NSD3: variants seen among roughly 807,000 people sequenced by gnomAD.
The protein encoded by NSD3 is nuclear receptor binding SET domain protein 3.
Under a neutral mutation model 160.8 loss-of-function variants are expected in NSD3, and 24 were observed. That is an observed-to-expected ratio of 0.15 (90% confidence interval 0.11 to 0.21). The LOEUF (loss-of-function observed/expected upper bound fraction) is 0.21. Among genes scored for constraint, NSD3 ranks in the 10% least tolerant of loss-of-function variants. The probability of loss-of-function intolerance (pLI) is 1.00; values close to 1 mark genes in which losing one functional copy is unlikely to be tolerated. For missense variants in NSD3, 1,157 were observed against 1,735.9 expected (o/e 0.67, Z 5.93); for synonymous variants, 520 against 600.0 (o/e 0.87, Z 1.95).
At chr8:38,373,425 A>G (rs1811307053) in intron 1 of NSD3, among the ~76,000 whole-genome samples, 1 of 152,120 alleles carries the variant, frequency 6.6e-6, no homozygotes, top group African/African-American at 2.4e-5. Flanking sequence ...TTTATACTGT[A>G]CATTCAAGTT....
At chr8:38,290,333 T>A in intron 17 of NSD3, 142 bp downstream of exon 17, 1 of 830,422 alleles carries the variant, frequency 1.2e-6, no homozygotes, top group Non-Finnish European at 2.0e-6. Flanking sequence ...CTGGTTCTAA[T>A]GTGACTGGAA....
intron 2 of NSD3, among the ~76,000 whole-genome samples, chr8:38,339,631 CAGG>C (rs1320215759): frequency 6.6e-6 from 1 of 151,012 alleles, no homozygotes; most frequent in Non-Finnish European, 1.5e-5. Flanking sequence ...GAGGCTGGGG[CAGG>C]AGGATTGCTT....
intron 2 of NSD3, 112 bp from the exon 3 acceptor site, chr8:38,338,719 G>A (rs1810285549): frequency 7.1e-6 from 6 of 840,380 alleles, no homozygotes; most frequent in Admixed American, 6.2e-5. Flanking sequence ...AGAGAATAAA[G>A]GGCATTTATT....
At chr8:38,289,233 C>T (rs1186460698) in intron 18 of NSD3, among the ~76,000 whole-genome samples, 160 bp downstream of exon 18, 1 of 152,174 alleles carries the variant, frequency 6.6e-6, no homozygotes, top group Non-Finnish European at 1.5e-5. Flanking sequence ...TTACAGAAGA[C>T]TGTGATAATT....
At chr8:38,279,805 A>G (rs1808689487) in intron 20 of NSD3, 124 bp from the exon 21 acceptor site, 2 of 1,005,226 alleles carry the variant, frequency 2.0e-6, no homozygotes, top group Non-Finnish European at 2.8e-6. Flanking sequence ...CTGACAGATC[A>G]GGAAATGTGA....
intron 1 of NSD3, among the ~76,000 whole-genome samples, chr8:38,362,029 GA>G (rs1296129299): frequency 3.3e-5 from 5 of 151,910 alleles, no homozygotes; most frequent in Admixed American, 3.3e-4. Flanking sequence ...TAGATTTTTA[GA>G]AGGGCTTTTC....
intron 21 of NSD3, among the ~76,000 whole-genome samples, chr8:38,278,719 G>A (rs762717625): frequency 6.6e-6 from 1 of 152,214 alleles, no homozygotes; most frequent in Non-Finnish European, 1.5e-5. Context: ...CTAGGTTCCA[G>A]TTCAGCCTTC....
Position 38,275,399 on chromosome 8 carries a change from C to A in NSD3, c.*242G>T, listed in dbSNP as rs542657225. On this transcript the variant is annotated 3_prime_UTR_variant, in exon 24 of 24. Transcript: ENST00000317025. ...TTCAAGCTGCAATGGCACTGAAGCA[C>A]AATAAAAGGCAAGAAAAGACCAAGG... The A allele has an allele frequency of 8.6e-6, 4 of 464,254 alleles. No individual in the cohort carries two copies. Among genetic ancestry groups the A allele is most frequent in the Non-Finnish European group, 1.5e-5 (4 of 261,978 alleles). 28.8% of individuals were successfully genotyped at this position (464,254 alleles called of 1,614,324 possible). A position where few individuals can be genotyped will look rare whatever the true frequency, so the allele number is the denominator to read the frequency against.
intron 16 of NSD3, 124 bp from the exon 17 acceptor site, chr8:38,290,801 T>A (rs1808983939): frequency 2.5e-6 from 2 of 807,272 alleles, no homozygotes; most frequent in Non-Finnish European, 3.9e-6. Context: ...TCTAAGAACA[T>A]AAAATACCAC....
chr8:38,341,023 AACT>A (rs1239000080), intron 2 of NSD3, among the ~76,000 whole-genome samples: 1 of 152,006 alleles, frequency 6.6e-6, no homozygotes, highest in African/African-American at 2.4e-5. Context: ...CTGTAGTCCC[AACT>A]ACTCTGAGGG....
Position 38,275,515 on chromosome 8 carries a change from C to T in NSD3, c.*126G>A. The T allele has an allele frequency of 2.3e-6, 2 of 880,284 alleles. No individual in the cohort carries two copies. Among genetic ancestry groups the T allele is most frequent in the Non-Finnish European group, 3.4e-6 (2 of 587,608 alleles). The allele number at this position is 880,284 out of a possible 1,614,324, so 54.5% of individuals were successfully genotyped here. On this transcript the variant is annotated 3_prime_UTR_variant, in exon 24 of 24. Coordinates refer to ENST00000317025, the MANE Select transcript of NSD3 (RefSeq NM_023034.2). ...TGCTTCTGCCTGCATGAACTGGTTTCCCATTTTTGCTTTAATAAGGCAGTT... is the reference window on the plus strand; with the variant it reads ...TGCTTCTGCCTGCATGAACTGGTTTTCCATTTTTGCTTTAATAAGGCAGTT...
chr8:38,346,056 T>C (rs1810515406), intron 2 of NSD3, among the ~76,000 whole-genome samples: 1 of 151,924 alleles, frequency 6.6e-6, no homozygotes, highest in Admixed American at 6.6e-5. Context: ...AAATGACTAC[T>C]AGAAACATCA....
chr8:38,339,071 C>T (rs748565399), intron 2 of NSD3, among the ~76,000 whole-genome samples: 107 of 148,478 alleles, frequency 7.2e-4, no homozygotes, highest in African/African-American at 2.4e-3. Context: ...ACCCAGGAGG[C>T]GGAGGTTGCA....
intron 1 of NSD3, among the ~76,000 whole-genome samples, chr8:38,369,279 T>C (rs1811180899): frequency 6.6e-6 from 1 of 152,224 alleles, no homozygotes; most frequent in African/African-American, 2.4e-5. Flanking sequence ...CATCACCTGT[T>C]TGTTTAATCA....
chr8:38,373,576 T>C (rs1050132885), intron 1 of NSD3, among the ~76,000 whole-genome samples: 3 of 152,198 alleles, frequency 2.0e-5, no homozygotes, highest in African/African-American at 4.8e-5. Flanking sequence ...TAAGATTCAA[T>C]AGACACAATA....
chr8:38,359,316 T>G (rs1258482587), intron 1 of NSD3, among the ~76,000 whole-genome samples: 1 of 152,186 alleles, frequency 6.6e-6, no homozygotes, highest in African/African-American at 2.4e-5. Flanking sequence ...CACATACCTT[T>G]AGAAATCAGC....
chr8:38,340,583 T>C (rs1487240555), intron 2 of NSD3, among the ~76,000 whole-genome samples: 1 of 152,066 alleles, frequency 6.6e-6, no homozygotes, highest in Admixed American at 6.5e-5. Flanking sequence ...GGTGATCCAC[T>C]TGCCTTGGCC....
At chr8:38,285,991 A>G (rs1808846431) in intron 19 of NSD3, among the ~76,000 whole-genome samples, 1 of 152,010 alleles carries the variant, frequency 6.6e-6, no homozygotes, top group Non-Finnish European at 1.5e-5. Context: ...TCGAAACCCA[A>G]GTGTGGCAGA....
intron 11 of NSD3, 122 bp downstream of exon 11, chr8:38,315,294 T>C: frequency 2.5e-6 from 3 of 1,211,604 alleles, no homozygotes; most frequent in Non-Finnish European, 3.3e-6. Flanking sequence ...TTTATATCTG[T>C]AGCTTTAAAG....
Sources: gnomAD v4.1 joint callset for allele counts (sites outside exome capture counted in the v4.1 genomes callset) on GRCh38, gnomAD v4.1.1 for gene constraint, MANE v1.5 for transcripts, NCBI Gene and HGNC (gene_info 2026-07-23, HGNC 2026-07-21) for gene names.